The following CCDC7 variants were observed in gnomAD, a reference collection of about 807,000 sequenced individuals.
The protein encoded by CCDC7 is coiled-coil domain-containing protein 7.
A neutral mutation model predicts 196.9 loss-of-function variants in CCDC7; 183 were observed. The observed-to-expected ratio is 0.93, with a 90% CI of 0.82 to 1.05. CCDC7 has a LOEUF of 1.05. CCDC7 is among the 50% of genes least tolerant of loss of function. The probability of loss-of-function intolerance (pLI) is 0.00; values close to 1 mark genes in which losing one functional copy is unlikely to be tolerated. For missense variants in CCDC7, 1,540 were observed against 1,482.2 expected (o/e 1.04, Z -0.64); for synonymous variants, 525 against 484.6 (o/e 1.08, Z -1.10).
chr10:32,837,829 A>T (rs2092721462), intron 33 of CCDC7, among the ~76,000 whole-genome samples: 2 of 151,082 alleles, frequency 1.3e-5, no homozygotes, highest in Non-Finnish European at 3.0e-5. Context: ...ACAAGGACAA[A>T]GTACCAAACA....
downstream of CCDC7, chr10:32,876,624 A>G: frequency 2.8e-6 from 1 of 355,626 alleles, no homozygotes; most frequent in Non-Finnish European, 5.0e-6. Flanking sequence ...TTTCTTTTCA[A>G]TTTTAAAGAA....
At chr10:32,812,031 C>A (rs2087261728) in intron 30 of CCDC7, among the ~76,000 whole-genome samples, 1 of 152,028 alleles carries the variant, frequency 6.6e-6, no homozygotes, top group Non-Finnish European at 1.5e-5. Context: ...TGATAAAATT[C>A]TCAACAACTT....
intron 41 of CCDC7, among the ~76,000 whole-genome samples, chr10:32,863,073 C>T (rs1204322013): frequency 6.6e-6 from 1 of 151,828 alleles, no homozygotes; most frequent in Non-Finnish European, 1.5e-5. Flanking sequence ...GTTCATAGTA[C>T]TCAAAGCAAT....
exon 6 of CCDC7, chr10:32,471,128 A>G (rs767870124): frequency 6.2e-7 from 1 of 1,612,626 alleles, no homozygotes; most frequent in East Asian, 2.2e-5. Flanking sequence ...GTCATTTTAA[A>G]TATTGCAGAA....
intron 21 of CCDC7, among the ~76,000 whole-genome samples, chr10:32,678,217 C>G (rs1565102549): frequency 2.0e-5 from 3 of 151,948 alleles, no homozygotes; most frequent in African/African-American, 7.3e-5. Flanking sequence ...GGTCATAGAT[C>G]TGCATTTTTA....
intron 28 of CCDC7, among the ~76,000 whole-genome samples, chr10:32,744,572 T>C (rs2074396014): frequency 6.6e-6 from 1 of 152,250 alleles, no homozygotes; most frequent in Non-Finnish European, 1.5e-5. Flanking sequence ...TAATGACATA[T>C]ATGTTACACA....
chr10:32,536,585 T>C (rs2050539969), intron 11 of CCDC7, among the ~76,000 whole-genome samples: 1 of 152,186 alleles, frequency 6.6e-6, no homozygotes. Flanking sequence ...TCATGGGTGT[T>C]TGGTGTACAG....
At position 32,804,902 on chromosome 10, in the gene CCDC7, C is replaced by G. The variant is rs978638873; in HGVS notation, c.3014-113C>G. On this transcript the variant is annotated intron_variant, in intron 29 of 41. Transcript: ENST00000639629. ...CAGACATTTTGCTATAACTTTTATT[C>G]ATTAATAACAAAGGCTGATTAATTT... The G allele has an allele frequency of 4.5e-6, 3 of 667,584 alleles. No individual in the cohort carries two copies. The African/African-American group carries it at 5.5e-5, about 12-fold the overall frequency. 41.4% of individuals were successfully genotyped at this position (667,584 alleles called of 1,614,324 possible). A position where few individuals can be genotyped will look rare whatever the true frequency, so the allele number is the denominator to read the frequency against.
At chr10:32,638,899 T>A (rs944139334) in intron 20 of CCDC7, among the ~76,000 whole-genome samples, 25 of 152,226 alleles carry the variant, frequency 1.6e-4, no homozygotes, top group Middle Eastern at 3.4e-3. Flanking sequence ...TTATTGCCTC[T>A]ATTTCAGAGC....
At chr10:32,516,213 G>A (rs2047005705) in intron 9 of CCDC7, among the ~76,000 whole-genome samples, 1 of 151,758 alleles carries the variant, frequency 6.6e-6, no homozygotes, top group Non-Finnish European at 1.5e-5. Context: ...GATCTGAATA[G>A]ATATTTCCCC....
At chr10:32,639,132 T>A (rs1237828258) in intron 20 of CCDC7, among the ~76,000 whole-genome samples, 1 of 152,196 alleles carries the variant, frequency 6.6e-6, no homozygotes, top group African/African-American at 2.4e-5. Context: ...TTCTTCTTTA[T>A]TAGTCTTGCT....
intron 41 of CCDC7, among the ~76,000 whole-genome samples, chr10:32,855,639 A>G (rs1197674083): frequency 2.0e-5 from 3 of 152,138 alleles, no homozygotes; most frequent in Non-Finnish European, 1.5e-5. Flanking sequence ...AATGCCAGCA[A>G]TGAGGAACAG....
intron 24 of CCDC7, among the ~76,000 whole-genome samples, chr10:32,706,773 G>T (rs534219208): frequency 2.6e-5 from 4 of 152,310 alleles, no homozygotes; most frequent in Admixed American, 6.5e-5. Flanking sequence ...AAACCAGGAA[G>T]AAGTTGAATC....
intron 8 of CCDC7, among the ~76,000 whole-genome samples, chr10:32,488,578 A>G (rs1041400240): frequency 6.6e-6 from 1 of 152,014 alleles, no homozygotes; most frequent in Non-Finnish European, 1.5e-5. Context: ...TGCGTCGCTC[A>G]CGCTGGGAGC....
At chr10:32,746,195 C>T (rs996943890) in intron 28 of CCDC7, among the ~76,000 whole-genome samples, 1 of 152,072 alleles carries the variant, frequency 6.6e-6, no homozygotes, top group African/African-American at 2.4e-5. Flanking sequence ...AGACCCTGGG[C>T]TGAAGGAGTA....
At chr10:32,581,907 T>A (rs1564726513) in intron 16 of CCDC7, among the ~76,000 whole-genome samples, 1 of 151,910 alleles carries the variant, frequency 6.6e-6, no homozygotes, top group East Asian at 1.9e-4. Context: ...AGATGAGTGT[T>A]AGACTTTATT....
At chr10:32,593,223 T>A (rs572930750) in intron 18 of CCDC7, among the ~76,000 whole-genome samples, 1 of 152,352 alleles carries the variant, frequency 6.6e-6, no homozygotes, top group East Asian at 1.9e-4. Flanking sequence ...GTTTCCTGAC[T>A]TTTTAATGAT....
chr10:32,552,566 GT>G (rs1409346426), intron 13 of CCDC7, among the ~76,000 whole-genome samples: 2 of 152,148 alleles, frequency 1.3e-5, no homozygotes, highest in Admixed American at 6.5e-5. Flanking sequence ...TCCAGGATTT[GT>G]TTCAAGATTC....
At chr10:32,585,619 G>A (rs188440800) in intron 18 of CCDC7, among the ~76,000 whole-genome samples, 234 of 152,206 alleles carry the variant, frequency 1.5e-3, no homozygotes, top group Non-Finnish European at 2.9e-3. Flanking sequence ...TTGAGAACAT[G>A]TGGTGTTTGG....
Sources: allele counts gnomAD v4.1 joint callset (sites outside exome capture counted in the v4.1 genomes callset), GRCh38; gene constraint gnomAD v4.1.1; transcripts MANE v1.5; gene names NCBI Gene and HGNC (gene_info 2026-07-23, HGNC 2026-07-21).